ARHGAP15: variants seen among roughly 807,000 people sequenced by gnomAD.
ARHGAP15 encodes rho GTPase-activating protein 15.
A neutral mutation model predicts 63.7 loss-of-function variants in ARHGAP15; 51 were observed. That is an observed-to-expected ratio of 0.80 (90% CI 0.64 to 1.01). The LOEUF (loss-of-function observed/expected upper bound fraction) is 1.01. ARHGAP15 is among the 50% of genes least tolerant of loss of function. The probability of loss-of-function intolerance (pLI) is 0.00; values close to 1 mark genes in which losing one functional copy is unlikely to be tolerated. For synonymous variants in ARHGAP15, 191 were observed against 193.8 expected (o/e 0.99, Z 0.12); for missense variants, 560 against 564.6 (o/e 0.99, Z 0.08).
At position 143,543,999 on chromosome 2, in the gene ARHGAP15, G is replaced by C. The variant is rs192366034; in HGVS notation, c.926-12409G>C. ...AGGAAGTCAGAAAGCCAACTTTATT[G>C]CTACCTCTTGTCTTTTGCTTATACA... On this transcript the variant is annotated intron_variant, in intron 10 of 13. Transcript: ENST00000295095. 4.7e-3 allele frequency among the ~76,000 whole-genome samples: 722 copies of C among 152,146 alleles called. 2 individuals are homozygous for C. The highest frequency in any genetic ancestry group is 7.6e-3 in the Non-Finnish European group (515 of 67,962).
chr2:143,373,962 A>G (rs1473055114), intron 6 of ARHGAP15, among the ~76,000 whole-genome samples: 1 of 152,186 alleles, frequency 6.6e-6, no homozygotes, highest in Non-Finnish European at 1.5e-5. Flanking sequence ...AACCTGCAAA[A>G]CCATTTTCCT....
intron 6 of ARHGAP15, among the ~76,000 whole-genome samples, chr2:143,385,894 A>G (rs539946708): frequency 6.6e-6 from 1 of 152,290 alleles, no homozygotes; most frequent in South Asian, 2.1e-4. Flanking sequence ...CAGAACTATA[A>G]GACCAGTTAA....
intron 6 of ARHGAP15, among the ~76,000 whole-genome samples, chr2:143,424,786 G>A (rs1689074587): frequency 6.6e-6 from 1 of 152,100 alleles, no homozygotes; most frequent in African/African-American, 2.4e-5. Flanking sequence ...GTTTTCACAT[G>A]CTGGTCTTTT....
intron 12 of ARHGAP15, among the ~76,000 whole-genome samples, chr2:143,631,522 T>A (rs756014001): frequency 6.6e-6 from 1 of 152,150 alleles, no homozygotes; most frequent in Non-Finnish European, 1.5e-5. Context: ...CCATTCTATG[T>A]GTGAAGTGGT....
intron 6 of ARHGAP15, among the ~76,000 whole-genome samples, chr2:143,276,159 A>G (rs1249142591): frequency 6.6e-6 from 1 of 152,198 alleles, no homozygotes; most frequent in African/African-American, 2.4e-5. Context: ...TCCCACATCA[A>G]GTGTTCAGTA....
chr2:143,389,138 TTTA>T (rs1056579158), intron 6 of ARHGAP15, among the ~76,000 whole-genome samples: 75 of 149,306 alleles, frequency 5.0e-4, no homozygotes, highest in African/African-American at 1.7e-3. Flanking sequence ...ATTATTATTT[TTTA>T]TTATTATTAT....
chr2:143,738,897 G>T (rs539588184), intron 13 of ARHGAP15, among the ~76,000 whole-genome samples: 1 of 152,114 alleles, frequency 6.6e-6, no homozygotes, highest in African/African-American at 2.4e-5. Context: ...TCAAACAGCC[G>T]TAACGAAAAC....
chr2:143,305,424 TAACA>T (rs1683122347), intron 6 of ARHGAP15: 1 of 152,180 alleles, frequency 6.6e-6, no homozygotes, highest in Middle Eastern at 3.4e-3. Context: ...TGTAGCTATG[TAACA>T]AACCTGCACG....
At chr2:143,355,880 T>G (rs1003883589) in intron 6 of ARHGAP15, among the ~76,000 whole-genome samples, 1 of 152,162 alleles carries the variant, frequency 6.6e-6, no homozygotes, top group Non-Finnish European at 1.5e-5. Flanking sequence ...CAAACTACAT[T>G]TTACAAGCAT....
intron 8 of ARHGAP15, among the ~76,000 whole-genome samples, chr2:143,470,769 GTCAT>G (rs1239190214): frequency 6.7e-6 from 1 of 149,784 alleles, no homozygotes; most frequent in African/African-American, 2.5e-5. Flanking sequence ...CTTCTTGTCA[GTCAT>G]TCATCCTACT....
chr2:143,373,642 A>AC (rs1313311410), intron 6 of ARHGAP15, among the ~76,000 whole-genome samples: 2 of 148,624 alleles, frequency 1.3e-5, no homozygotes, highest in East Asian at 1.9e-4. Context: ...AAAAAAAAAA[A>AC]AAAAAAAAAA....
chr2:143,343,196 T>G (rs1328200558), intron 6 of ARHGAP15, among the ~76,000 whole-genome samples: 38 of 152,016 alleles, frequency 2.5e-4, no homozygotes, highest in Admixed American at 2.2e-3. Flanking sequence ...AAAATCATAT[T>G]TAATCTGAGT....
At chr2:143,349,720 G>C (rs1012195768) in intron 6 of ARHGAP15, among the ~76,000 whole-genome samples, 1 of 152,158 alleles carries the variant, frequency 6.6e-6, no homozygotes, top group African/African-American at 2.4e-5. Flanking sequence ...ACAAACTCCA[G>C]AGTCCGAGTG....
intron 13 of ARHGAP15, among the ~76,000 whole-genome samples, chr2:143,719,995 G>A (rs1042910114): frequency 1.3e-5 from 2 of 152,142 alleles, no homozygotes; most frequent in Admixed American, 6.5e-5. Context: ...TTAGAAGCAG[G>A]TGGCTACATA....
intron 6 of ARHGAP15, among the ~76,000 whole-genome samples, chr2:143,334,249 CT>C (rs951727454): frequency 5.9e-5 from 9 of 151,846 alleles, no homozygotes; most frequent in Middle Eastern, 3.2e-3. Flanking sequence ...AATAAGAGTA[CT>C]TTTTTTTGTT....
chr2:143,412,915 T>C (rs563538803), intron 6 of ARHGAP15, among the ~76,000 whole-genome samples: 4 of 152,330 alleles, frequency 2.6e-5, no homozygotes, highest in South Asian at 2.1e-4. Context: ...TATTTTTCTA[T>C]GTTTAATCTA....
intron 11 of ARHGAP15, among the ~76,000 whole-genome samples, chr2:143,601,230 A>G (rs758771212): frequency 4.6e-5 from 7 of 152,134 alleles, no homozygotes; most frequent in Non-Finnish European, 1.0e-4. Context: ...TAGTCTCTAT[A>G]TTTATATTTG....
intron 6 of ARHGAP15, among the ~76,000 whole-genome samples, chr2:143,360,437 A>G (rs1459982794): frequency 3.9e-5 from 6 of 151,980 alleles, no homozygotes; most frequent in African/African-American, 1.5e-4. Flanking sequence ...ATATCAAAAG[A>G]TTATTCTAGG....
intron 12 of ARHGAP15, among the ~76,000 whole-genome samples, chr2:143,646,090 G>T (rs892062056): frequency 6.6e-6 from 1 of 152,048 alleles, no homozygotes; most frequent in Non-Finnish European, 1.5e-5. Context: ...GCAGGGCATG[G>T]TGTTGCACTC....
Sources: allele counts gnomAD v4.1 joint callset (sites outside exome capture counted in the v4.1 genomes callset), GRCh38; gene constraint gnomAD v4.1.1; transcripts MANE v1.5; gene names NCBI Gene and HGNC (gene_info 2026-07-23, HGNC 2026-07-21).